Variants in TSTD2 observed in about 807,000 individuals in gnomAD.
TSTD2 encodes thiosulfate sulfurtransferase/rhodanese-like domain-containing protein 2.
TSTD2 carries 37 observed loss-of-function variants against 47.9 expected under a neutral mutation model. The ratio of observed to expected loss-of-function variants is 0.77; its 90% CI spans 0.59 to 1.02. The LOEUF (loss-of-function observed/expected upper bound fraction) is 1.02. TSTD2 is among the 50% of genes least tolerant of loss of function. TSTD2 has a pLI of 0.00. For missense variants in TSTD2, 586 were observed against 616.0 expected, an observed-to-expected ratio of 0.95 and a Z score of 0.52; for synonymous variants, 201 against 215.9, an observed-to-expected ratio of 0.93 and a Z score of 0.61.
intron 3 of TSTD2, 37 bp from the exon 4 acceptor site, chr9:97,617,914 T>A: frequency 6.3e-7 from 1 of 1,595,500 alleles, no homozygotes; most frequent in African/African-American, 1.3e-5. Flanking sequence ...AGCATTTGAG[T>A]CGCTGGCATA....
intron 3 of TSTD2, among the ~76,000 whole-genome samples, chr9:97,621,145 C>A (rs1408188455): frequency 6.6e-6 from 1 of 152,168 alleles, no homozygotes; most frequent in East Asian, 1.9e-4. Context: ...ATTAGTTCCC[C>A]AAATTAATAC....
At position 97,602,304 on chromosome 9, in the gene TSTD2, G is replaced by A. The variant is rs1251335629; in HGVS notation, c.*165C>T. On this transcript the variant is annotated 3_prime_UTR_variant, in exon 10 of 10. Coordinates refer to ENST00000341170, the MANE Select transcript of TSTD2 (RefSeq NM_139246.5). Reference sequence around the variant, plus strand: ...ATGTCTCAGGTAAGTGGTAGACAACGTGACTCCTCCCCTCCCGCTGTGAAG... The same window carrying A: ...ATGTCTCAGGTAAGTGGTAGACAACATGACTCCTCCCCTCCCGCTGTGAAG... The A allele has an allele frequency of 3.1e-5, 24 of 765,838 alleles. No homozygotes were observed. Among genetic ancestry groups the A allele is most frequent in the Middle Eastern group, 3.8e-4 (1 of 2,626 alleles). The allele number at this position is 765,838 out of a possible 1,614,324, so 47.4% of individuals were successfully genotyped here. A position where few individuals can be genotyped will look rare whatever the true frequency, so the allele number is the denominator to read the frequency against.
At chr9:97,614,643 G>T (rs1826514504) in intron 4 of TSTD2, among the ~76,000 whole-genome samples, 1 of 152,134 alleles carries the variant, frequency 6.6e-6, no homozygotes, top group Non-Finnish European at 1.5e-5. Flanking sequence ...TGGGGTATGC[G>T]CCATGTGAAG....
In TSTD2 at chr9:97,606,181, T is replaced by A. The variant is rs1206138026; in HGVS notation, c.916A>T (p.Ile306Phe). ...TAGAAGTTTCTGCAATCAAGAAGGA[T>A]AGTATCACTTTGTTCTTGATTTGCC... Reference protein sequence around the residue: ...SQANQEQSDTILLDCRNFYES... With the variant: ...SQANQEQSDTFLLDCRNFYES... The change falls in exon 7 of 10, where the codon ATC becomes TTC. Residue 306 changes from isoleucine (I) to phenylalanine (F), a missense_variant. Physicochemically the swap from Ile to Phe is conservative, Grantham distance 21. Coordinates refer to ENST00000341170, the MANE Select transcript of TSTD2 (RefSeq NM_139246.5). 7 of 1,612,472 alleles carry A rather than the reference T, an allele frequency of 4.3e-6. No individual in the cohort carries two copies. The highest frequency in any genetic ancestry group is 5.9e-6 in the Non-Finnish European group (7 of 1,179,426).
chr9:97,631,651 C>G (rs1826815406), intron 1 of TSTD2, among the ~76,000 whole-genome samples: 1 of 152,164 alleles, frequency 6.6e-6, no homozygotes, highest in Non-Finnish European at 1.5e-5. Context: ...CAAGACCAGC[C>G]TGGCCAACAT....
chr9:97,612,308 T>C (rs149538234), intron 4 of TSTD2, among the ~76,000 whole-genome samples: 5 of 152,352 alleles, frequency 3.3e-5, no homozygotes, highest in Admixed American at 1.3e-4. Flanking sequence ...AATGAACATA[T>C]GCATACATGT....
At chr9:97,632,915 A>C (rs1168939998) in intron 1 of TSTD2, among the ~76,000 whole-genome samples, 1 of 152,234 alleles carries the variant, frequency 6.6e-6, no homozygotes, top group African/African-American at 2.4e-5. Flanking sequence ...CCATGGACAA[A>C]GCAGATAAGC....
intron 1 of TSTD2, among the ~76,000 whole-genome samples, chr9:97,627,955 G>A (rs907268919): frequency 7.9e-5 from 12 of 152,326 alleles, no homozygotes; most frequent in African/African-American, 2.9e-4. Context: ...CAGTGATGGA[G>A]AAGCCCTTCG....
At chr9:97,606,991 T>C (rs1186909110) in intron 6 of TSTD2, among the ~76,000 whole-genome samples, 1 of 151,996 alleles carries the variant, frequency 6.6e-6, no homozygotes, top group Non-Finnish European at 1.5e-5. Context: ...ATAGCGAGAC[T>C]CTGTCTCTAA....
chr9:97,630,620 T>C (rs919694109), intron 1 of TSTD2, among the ~76,000 whole-genome samples: 13 of 152,212 alleles, frequency 8.5e-5, no homozygotes, highest in African/African-American at 2.9e-4. Context: ...ATACTTACCC[T>C]ACAGGTGATC....
intron 3 of TSTD2, among the ~76,000 whole-genome samples, chr9:97,619,376 T>C (rs1234073971): frequency 5.3e-5 from 8 of 152,198 alleles, no homozygotes; most frequent in Admixed American, 5.2e-4. Flanking sequence ...TTTGTGCCTC[T>C]AGCACTCATG....
chr9:97,618,278 A>G (rs1834945800), intron 3 of TSTD2, among the ~76,000 whole-genome samples: 1 of 152,174 alleles, frequency 6.6e-6, no homozygotes, highest in Non-Finnish European at 1.5e-5. Context: ...CCCTCTTTCT[A>G]TGATGCAGGT....
chr9:97,606,675 C>G (rs1000213397), intron 6 of TSTD2, among the ~76,000 whole-genome samples: 1 of 152,192 alleles, frequency 6.6e-6, no homozygotes, highest in African/African-American at 2.4e-5. Context: ...CATGGAGGAG[C>G]TGGGCAAGTA....
At position 97,608,879 on chromosome 9, in the gene TSTD2, G is replaced by A. The variant is rs1587977021; in HGVS notation, c.835+1467C>T. Among the ~76,000 whole-genome samples the A allele has an allele frequency of 2.0e-5, 3 of 152,182 alleles. No homozygotes were observed. In the East Asian group the frequency reaches 5.8e-4, roughly 29 times the overall value. On this transcript the variant is annotated intron_variant, in intron 6 of 9. Coordinates refer to ENST00000341170, the MANE Select transcript of TSTD2 (RefSeq NM_139246.5). ...CCGTTTCCCCCTGGCTTCACTCTTAGACTTCTTTCAAAACTTTACATATTA... is the reference window on the plus strand; with the variant it reads ...CCGTTTCCCCCTGGCTTCACTCTTAAACTTCTTTCAAAACTTTACATATTA...
At chr9:97,623,220 T>C (rs1826668330) in intron 3 of TSTD2, among the ~76,000 whole-genome samples, 1 of 152,146 alleles carries the variant, frequency 6.6e-6, no homozygotes, top group Non-Finnish European at 1.5e-5. Context: ...GATCTGATGG[T>C]TTTAAAAACA....
intron 4 of TSTD2, among the ~76,000 whole-genome samples, chr9:97,615,798 G>A (rs2131311550): frequency 6.6e-6 from 1 of 152,298 alleles, no homozygotes; most frequent in East Asian, 1.9e-4. Context: ...TTTACTGTGA[G>A]AGTATCCATC....
chr9:97,604,926 C>A, intron 8 of TSTD2, 61 bp from the exon 9 acceptor site: 4 of 1,593,312 alleles, frequency 2.5e-6, no homozygotes, highest in South Asian at 1.1e-5. Flanking sequence ...AAGATGCTCA[C>A]GGAAGAACGG....
intron 6 of TSTD2, 42 bp from the exon 7 acceptor site, chr9:97,606,303 A>G: frequency 4.7e-6 from 6 of 1,281,512 alleles, no homozygotes; most frequent in Non-Finnish European, 6.6e-6. Flanking sequence ...CAAAGACAAA[A>G]AAACCAAAAC....
At chr9:97,618,935 A>G (rs571213246) in intron 3 of TSTD2, among the ~76,000 whole-genome samples, 2 of 152,232 alleles carry the variant, frequency 1.3e-5, no homozygotes, top group Admixed American at 6.5e-5. Flanking sequence ...ATACAATTCA[A>G]CTGATAATTA....
Sources: allele counts gnomAD v4.1 joint callset (sites outside exome capture counted in the v4.1 genomes callset), GRCh38; gene constraint gnomAD v4.1.1; transcripts MANE v1.5; gene names NCBI Gene and HGNC (gene_info 2026-07-23, HGNC 2026-07-21).